Variants in DEDD observed in about 807,000 individuals in gnomAD.
DEDD encodes the protein death effector domain containing.
DEDD carries 3 observed loss-of-function variants against 29.2 expected under a neutral mutation model. The observed-to-expected ratio is 0.10, with a 90% CI of 0.05 to 0.27. The LOEUF (loss-of-function observed/expected upper bound fraction) is 0.27. DEDD is among the 10% of genes least tolerant of loss of function. The pLI, the probability that DEDD is intolerant of heterozygous loss-of-function variation, is 1.00. For synonymous variants in DEDD, 152 were observed against 161.3 expected, an observed-to-expected ratio of 0.94 and a Z score of 0.44; for missense variants, 261 against 420.5, an observed-to-expected ratio of 0.62 and a Z score of 3.32.
In DEDD at chr1:161,124,314, A is replaced by G. The variant is rs759662039; in HGVS notation, c.149T>C (p.Val50Ala). The change falls in exon 3 of 6, where the codon GTT becomes GCT. Residue 50 changes from valine (V) to alanine (A), a missense_variant. Coordinates refer to ENST00000368006, the MANE Select transcript of DEDD (RefSeq NM_032998.3). ...ACGCTCGTGGTCATCAATGACATCA[A>G]CAAAGAGGAAAGAAAGCACGCGCAC... is the stretch of plus-strand genomic sequence containing the variant. ...RDVRVLSFLF[V>A]DVIDDHERGL... is the part of the protein sequence containing the mutation. 2 of 1,614,264 alleles carry G rather than the reference A, an allele frequency of 1.2e-6. No homozygotes were observed. Among genetic ancestry groups the G allele is most frequent in the South Asian group, 2.2e-5 (2 of 91,086 alleles).
At position 161,122,107 on chromosome 1, in the gene DEDD, G is replaced by C. The variant is rs752816455; in HGVS notation, c.*40C>G. ...CAGAACAGTGTAAGCTCCAGAGGTGGGTGATGGGAACAGTCCCCAAAGTGA... is the reference window on the plus strand; with the variant it reads ...CAGAACAGTGTAAGCTCCAGAGGTGCGTGATGGGAACAGTCCCCAAAGTGA... On this transcript the variant is annotated 3_prime_UTR_variant, in exon 6 of 6. Transcript: ENST00000368006. The surrounding 1 kb of genome is among the most constrained non-coding windows in gnomAD (Gnocchi z 4.2). 6.2e-7 allele frequency: 1 copy of C among 1,604,064 alleles called. No homozygotes were observed. The highest frequency in any genetic ancestry group is 8.5e-7 in the Non-Finnish European group (1 of 1,175,122).
At chr1:161,131,276 C>T (rs1273510165) in intron 1 of DEDD, 1 of 152,226 alleles carries the variant, frequency 6.6e-6, no homozygotes. Context: ...CCAAATTCTA[C>T]ATTTGGCCCT....
At chr1:161,127,434 T>C (rs1656289597) in intron 2 of DEDD, among the ~76,000 whole-genome samples, 1 of 152,166 alleles carries the variant, frequency 6.6e-6, no homozygotes, top group African/African-American at 2.4e-5. Context: ...ACAAAGCTGA[T>C]AGAGAAAGCT....
chr1:161,122,959 G>T lies in DEDD; in HGVS notation c.580+116C>A. On this transcript the variant is annotated intron_variant, in intron 5 of 5. Coordinates refer to ENST00000368006, the MANE Select transcript of DEDD (RefSeq NM_032998.3). This position sits in a 1 kb window ranked among gnomAD's most constrained non-coding sequence, Gnocchi z 4.2. ...ACACCAAACCATTCAGCCTCACTTT[G>T]CAATGGCAATCAAAGTGAATCTCAC... The T allele has an allele frequency of 1.3e-6, 2 of 1,596,954 alleles. No homozygotes were observed. The highest frequency in any genetic ancestry group is 1.7e-6 in the Non-Finnish European group (2 of 1,164,558).
chr1:161,121,970 TG>T lies in DEDD; in HGVS notation c.*176del. 1 of 750,924 alleles carries T rather than the reference TG, an allele frequency of 1.3e-6. No individual in the cohort carries two copies. 46.5% of individuals were successfully genotyped at this position (750,924 alleles called of 1,614,324 possible). A position where few individuals can be genotyped will look rare whatever the true frequency, so the allele number is the denominator to read the frequency against. On this transcript the variant is annotated 3_prime_UTR_variant, in exon 6 of 6. Transcript: ENST00000368006. ...GAAATAAAGGGGAAGCCCAGGCACA[TG>T]GGTGCAGGGAGGGGTGGGGAATACC...
intron 5 of DEDD, 61 bp downstream of exon 5, chr1:161,123,014 A>C: frequency 6.2e-7 from 1 of 1,614,196 alleles, no homozygotes; most frequent in Non-Finnish European, 8.5e-7. Context: ...CCAGTGTCCC[A>C]GCAGTTCTTT....
intron 4 of DEDD, 136 bp from the exon 5 acceptor site, chr1:161,123,357 A>T: frequency 1.1e-6 from 1 of 888,886 alleles, no homozygotes; most frequent in Non-Finnish European, 1.7e-6. Flanking sequence ...AAGACATGTG[A>T]GACCAGGTGC....
intron 2 of DEDD, among the ~76,000 whole-genome samples, chr1:161,128,965 T>A (rs183891503): frequency 2.6e-4 from 39 of 152,276 alleles, no homozygotes; most frequent in Non-Finnish European, 4.7e-4. Context: ...TTCTGCCCCA[T>A]CCCAGGAGGT....
intron 4 of DEDD, among the ~76,000 whole-genome samples, 180 bp from the exon 5 acceptor site, chr1:161,123,401 A>C (rs1204476821): frequency 2.6e-5 from 4 of 152,314 alleles, no homozygotes; most frequent in African/African-American, 4.8e-5. Flanking sequence ...GCACTTTGGG[A>C]GGCCAAGGCG....
chr1:161,125,884 TTATA>T (rs958928687), intron 2 of DEDD, among the ~76,000 whole-genome samples: 2 of 152,200 alleles, frequency 1.3e-5, no homozygotes, highest in Non-Finnish European at 2.9e-5. Flanking sequence ...TCCACATTCG[TTATA>T]TAGTTTGGCT....
chr1:161,130,078 A>T (rs1443486269), intron 2 of DEDD, among the ~76,000 whole-genome samples: 2 of 152,208 alleles, frequency 1.3e-5, no homozygotes, highest in Non-Finnish European at 1.5e-5. Context: ...TTTTTGAGGT[A>T]CTTGGCTCTC....
At chr1:161,125,243 A>G (rs1557981354) in intron 2 of DEDD, 4 of 152,232 alleles carry the variant, frequency 2.6e-5, no homozygotes, top group Non-Finnish European at 4.4e-5. Context: ...TAAGAATCCA[A>G]TGAGAAAATC....
chr1:161,129,068 C>T (rs1372470608), intron 2 of DEDD, among the ~76,000 whole-genome samples: 2 of 152,180 alleles, frequency 1.3e-5, no homozygotes, highest in East Asian at 3.8e-4. Context: ...TCGTAAGCCT[C>T]AGGGTCATCT....
intron 5 of DEDD, 45 bp downstream of exon 5, chr1:161,123,028 TTC>T: frequency 6.2e-7 from 1 of 1,614,242 alleles, no homozygotes; most frequent in Non-Finnish European, 8.5e-7. Context: ...GTTCTTTATA[TTC>T]TCCTTCAAGT....
At chr1:161,129,316 C>A (rs1656464368) in intron 2 of DEDD, among the ~76,000 whole-genome samples, 1 of 152,002 alleles carries the variant, frequency 6.6e-6, no homozygotes, top group Non-Finnish European at 1.5e-5. Flanking sequence ...GTGATGAGGC[C>A]TCGCATGGTG....
Position 161,124,268 on chromosome 1 carries a change from A to C in DEDD, c.195T>G (p.Arg65=). 1.2e-6 allele frequency: 2 copies of C among 1,614,254 alleles called. No individual in the cohort carries two copies. Among genetic ancestry groups the C allele is most frequent in the Non-Finnish European group, 1.7e-6 (2 of 1,180,044 alleles). Residue 65 remains arginine (R), a synonymous_variant, in exon 3 of 6, where the codon CGT becomes CGG. Coordinates refer to ENST00000368006, the MANE Select transcript of DEDD (RefSeq NM_032998.3). ...DHERGLIRNG[R]DFLLALERQG... is the part of the protein sequence containing the mutation. ...GGCGCTCCAGTGCCAATAAGAAGTC[A>C]CGTCCATTTCGGATGAGTCCACGCT... is the stretch of plus-strand genomic sequence containing the variant.
At chr1:161,123,275 A>G in intron 4 of DEDD, 54 bp from the exon 5 acceptor site, 3 of 1,516,926 alleles carry the variant, frequency 2.0e-6, no homozygotes, top group Non-Finnish European at 1.8e-6. Context: ...CAGAAATTCA[A>G]ACACTTCTGT....
In DEDD at chr1:161,123,061, T is replaced by C. The variant is rs750781889; in HGVS notation, c.580+14A>G. On this transcript the variant is annotated intron_variant, in intron 5 of 5. Transcript: ENST00000368006. ...CAAGTCTGCTCCATCTCTGGAACCC[T>C]TGAACTTCCTCACCACATGTCTGCT... 9 of 1,614,096 alleles carry C rather than the reference T, an allele frequency of 5.6e-6. No individual in the cohort carries two copies. In the East Asian group the frequency reaches 6.7e-5, roughly 12 times the overall value.
At chr1:161,128,247 T>C (rs911632469) in intron 2 of DEDD, among the ~76,000 whole-genome samples, 1 of 152,208 alleles carries the variant, frequency 6.6e-6, no homozygotes, top group Non-Finnish European at 1.5e-5. Context: ...CTGATTATTA[T>C]GCCTGGTGGG....
Sources: gnomAD v4.1 joint callset for allele counts (sites outside exome capture counted in the v4.1 genomes callset) on GRCh38, gnomAD v4.1.1 for gene constraint, Gnocchi (gnomAD v3.1) non-coding constraint, MANE v1.5 for transcripts, NCBI Gene and HGNC (gene_info 2026-07-23, HGNC 2026-07-21) for gene names.